ERCC6L2: variants seen among roughly 807,000 people sequenced by gnomAD.
ERCC6L2 encodes DNA excision repair protein ERCC-6-like 2.
ERCC6L2 carries 77 observed loss-of-function variants against 132.0 expected under a neutral mutation model. The ratio of observed to expected loss-of-function variants is 0.58; its 90% CI spans 0.49 to 0.71. The LOEUF (loss-of-function observed/expected upper bound fraction) is 0.71. Among genes scored for constraint, ERCC6L2 ranks in the 30% least tolerant of loss-of-function variants. ERCC6L2 has a pLI of 0.00. For missense variants in ERCC6L2, 1,542 were observed against 1,837.6 expected (o/e 0.84, Z 2.94); for synonymous variants, 583 against 632.4 (o/e 0.92, Z 1.17).
intron 15 of ERCC6L2, 123 bp downstream of exon 15, chr9:95,970,779 C>G (rs1411733595): frequency 1.9e-6 from 1 of 535,406 alleles, no homozygotes; most frequent in Non-Finnish European, 2.8e-6. Context: ...GTCAAGGACA[C>G]AAAGTCAGAG....
intron 2 of ERCC6L2, among the ~76,000 whole-genome samples, chr9:95,896,517 G>C (rs1828476291): frequency 6.6e-6 from 1 of 151,612 alleles, no homozygotes. Context: ...ATTCTCCTAG[G>C]CTCAAGCAGT....
chr9:95,897,764 A>G, intron 2 of ERCC6L2, 85 bp from the exon 3 acceptor site: 4 of 1,332,878 alleles, frequency 3.0e-6, no homozygotes, highest in Non-Finnish European at 4.2e-6. Flanking sequence ...ATACTTTGTC[A>G]CTAATTGAAT....
chr9:96,005,187 C>G (rs1345612141), intron 18 of ERCC6L2, among the ~76,000 whole-genome samples: 1 of 152,078 alleles, frequency 6.6e-6, no homozygotes, highest in Non-Finnish European at 1.5e-5. Flanking sequence ...GTGGCGGGCA[C>G]CTGTAGTCCC....
In ERCC6L2 at chr9:95,876,020, G is replaced by C. The variant is rs1410577631; in HGVS notation, c.-19G>C. 1 of 1,582,394 alleles carries C rather than the reference G, an allele frequency of 6.3e-7. No individual in the cohort carries two copies. Among genetic ancestry groups the C allele is most frequent in the Non-Finnish European group, 8.6e-7 (1 of 1,165,206 alleles). ...CCGGGTGTTACATGCAGCCGGGCTC[G>C]GCCCCTCCCCCTGGCCGGATGGATC... On this transcript the variant is annotated 5_prime_UTR_variant, in exon 1 of 19. Coordinates refer to ENST00000653738, the MANE Select transcript of ERCC6L2 (RefSeq NM_020207.7).
chr9:96,033,895 CT>C (rs1363401519), intron 19 of ERCC6L2, among the ~76,000 whole-genome samples: 1 of 152,184 alleles, frequency 6.6e-6, no homozygotes, highest in Non-Finnish European at 1.5e-5. Context: ...CATACCGGGG[CT>C]CAGAAGGCCA....
chr9:96,001,617 T>C lies in ERCC6L2; in HGVS notation c.3493-2903T>C, dbSNP rs1330285135. ...ATCCCTGAGCTAGATATAAAGACTC[T>C]CCACGTCCCCACCAGACTCAGGAGC... is the stretch of plus-strand genomic sequence containing the variant. On this transcript the variant is annotated intron_variant, in intron 17 of 18. Transcript: ENST00000653738. 4.6e-5 allele frequency among the ~76,000 whole-genome samples: 7 copies of C among 152,242 alleles called. No individual in the cohort carries two copies. The East Asian group carries it at 1.3e-3, about 29-fold the overall frequency.
Position 96,012,930 on chromosome 9 carries a change from A to C in ERCC6L2, c.4380A>C (p.Pro1460=). 7.3e-7 allele frequency: 1 copy of C among 1,367,510 alleles called. No homozygotes were observed. The highest frequency in any genetic ancestry group is 9.8e-7 in the Non-Finnish European group (1 of 1,021,730). The allele number at this position is 1,367,510 out of a possible 1,614,324, so 84.7% of individuals were successfully genotyped here. The change falls in exon 19 of 19, where the codon CCA becomes CCC. Residue 1460 remains proline, a synonymous_variant. Transcript: ENST00000653738. The part of the protein sequence containing the change: ...KSHGNSPTQL[P]KKVLSGPMEK... Reference sequence around the variant, plus strand: ...ATGGGAACAGTCCCACACAACTGCCAAAGAAAGTTCTTTCAGGGCCCATGG... The same window carrying C: ...ATGGGAACAGTCCCACACAACTGCCCAAGAAAGTTCTTTCAGGGCCCATGG...
intron 18 of ERCC6L2, among the ~76,000 whole-genome samples, chr9:96,006,064 T>G (rs1833852837): frequency 6.6e-6 from 1 of 152,210 alleles, no homozygotes; most frequent in South Asian, 2.1e-4. Flanking sequence ...TGTGACATTC[T>G]GTGGGAAGGT....
chr9:95,881,128 T>A lies in ERCC6L2; in HGVS notation c.306T>A (p.Ser102=), dbSNP rs1827568104. ...PYFPNRKFPS[S]SVAFKLSDNG... ...TCCCAAACCGAAAATTTCCATCATC[T>A]TCTGTTGCTTTTAAATTATCTGACA... Residue 102 remains serine, a synonymous_variant, in exon 2 of 19, where the codon TCT becomes TCA. Transcript: ENST00000653738. 1.9e-6 allele frequency: 3 copies of A among 1,613,662 alleles called. No individual in the cohort carries two copies. Among genetic ancestry groups the A allele is most frequent in the Non-Finnish European group, 2.5e-6 (3 of 1,179,910 alleles).
chr9:95,974,733 T>TGA (rs1220659523), intron 16 of ERCC6L2, among the ~76,000 whole-genome samples: 1 of 151,892 alleles, frequency 6.6e-6, no homozygotes, highest in Non-Finnish European at 1.5e-5. Context: ...TGTGTGTGTG[T>TGA]GTGTGTGTGT....
intron 13 of ERCC6L2, among the ~76,000 whole-genome samples, chr9:95,960,277 C>T (rs1250757947): frequency 6.6e-6 from 1 of 151,890 alleles, no homozygotes; most frequent in Non-Finnish European, 1.5e-5. Context: ...AATAGCCCAG[C>T]CAAAAATAAT....
At chr9:95,924,094 A>C (rs1203201883) in intron 9 of ERCC6L2, among the ~76,000 whole-genome samples, 2 of 152,328 alleles carry the variant, frequency 1.3e-5, no homozygotes, top group African/African-American at 2.4e-5. Flanking sequence ...TTATTTGTAG[A>C]TTCACAGATT....
chr9:95,917,277 C>T (rs1829645598), intron 6 of ERCC6L2, among the ~76,000 whole-genome samples: 1 of 152,146 alleles, frequency 6.6e-6, no homozygotes, highest in Admixed American at 6.5e-5. Context: ...GAGTGGACTT[C>T]AAGAGGATTT....
At position 95,972,819 on chromosome 9, in the gene ERCC6L2, C is replaced by T; in HGVS notation, c.3068C>T (p.Thr1023Ile). 2 of 1,304,686 alleles carry T rather than the reference C, an allele frequency of 1.5e-6. No homozygotes were observed. Among genetic ancestry groups the T allele is most frequent in the Non-Finnish European group, 2.0e-6 (2 of 988,882 alleles). The allele number at this position is 1,304,686 out of a possible 1,614,324, so 80.8% of individuals were successfully genotyped here. The change falls in exon 16 of 19, where the codon ACA (threonine) becomes ATA (isoleucine). Residue 1023 changes from threonine (T) to isoleucine (I), a missense_variant. Around this residue, in one of 4 missense-constraint regions of ERCC6L2, gnomAD observed 945 missense variants for 1,105.2 expected, o/e 0.86. Transcript: ENST00000653738. ...LHNSPKTMNK[T>I]NQVYAANEDH... Reference sequence around the variant, plus strand: ...AATTCTCCCAAAACAATGAACAAAACAAACCAAGTGTATGCAGCAAATGAG... The same window carrying T: ...AATTCTCCCAAAACAATGAACAAAATAAACCAAGTGTATGCAGCAAATGAG...
At chr9:95,961,333 G>T (rs574742915) in intron 13 of ERCC6L2, among the ~76,000 whole-genome samples, 11 of 152,182 alleles carry the variant, frequency 7.2e-5, no homozygotes, top group Non-Finnish European at 1.6e-4. Context: ...GCAGAGATTG[G>T]AGTGATGCCA....
In ERCC6L2 at chr9:95,881,236, C is replaced by T; in HGVS notation, c.414C>T (p.Tyr138=). The T allele has an allele frequency of 1.9e-6, 3 of 1,593,054 alleles. No individual in the cohort carries two copies. Among genetic ancestry groups the T allele is most frequent in the East Asian group, 2.2e-5 (1 of 44,780 alleles). ...GAACCCGGTTTCTTTATGGACACTA[C>T]ATCCATGGAGGAGGGTGCATTCTGG... is the stretch of plus-strand genomic sequence containing the variant. The part of the protein sequence containing the change: ...REGTRFLYGH[Y]IHGGGCILGD... The change falls in exon 2 of 19, where the codon TAC becomes TAT. Residue 138 remains tyrosine (Y), a synonymous_variant. Transcript: ENST00000653738.
At chr9:96,028,852 A>G (rs1383262365) in intron 19 of ERCC6L2, among the ~76,000 whole-genome samples, 1 of 152,238 alleles carries the variant, frequency 6.6e-6, no homozygotes, top group Non-Finnish European at 1.5e-5. Flanking sequence ...TGTGTGATAT[A>G]TTCACACATA....
rs563840431 is a variant in ERCC6L2, at chr9:96,010,504, A to G, written c.3675-1721A>G. 5.3e-5 allele frequency among the ~76,000 whole-genome samples: 8 copies of G among 152,244 alleles called. No homozygotes were observed. The South Asian group carries it at 6.2e-4, about 12-fold the overall frequency. On this transcript the variant is annotated intron_variant, in intron 18 of 18. Transcript: ENST00000653738. The stretch of plus-strand genomic sequence containing the variant: ...TCTAAACTTGGCCTACGGACCCCCT[A>G]TGATTTTTAGCCTCTTCCTTGCAGT...
At chr9:96,021,944 C>G (rs1337856058), downstream of ERCC6L2, among the ~76,000 whole-genome samples, 1 of 152,170 alleles carries the variant, frequency 6.6e-6, no homozygotes, top group Non-Finnish European at 1.5e-5. This position sits in a 1 kb window ranked among gnomAD's most constrained non-coding sequence, Gnocchi z 4.7. Flanking sequence ...CCGGCGCCCC[C>G]ACGCCGCTCC....
Sources: allele counts gnomAD v4.1 joint callset (sites outside exome capture counted in the v4.1 genomes callset), GRCh38; gene constraint gnomAD v4.1.1; regional missense constraint gnomAD v4.1.1; non-coding constraint Gnocchi (gnomAD v3.1); transcripts MANE v1.5; gene names NCBI Gene and HGNC (gene_info 2026-07-23, HGNC 2026-07-21).